ATP6V1H: variants seen among roughly 807,000 people sequenced by gnomAD.
ATP6V1H encodes V-type proton ATPase subunit H.
ATP6V1H carries 39 observed loss-of-function variants against 71.7 expected under a neutral mutation model. That is an observed-to-expected ratio of 0.54 (90% confidence interval 0.42 to 0.71). ATP6V1H has a LOEUF of 0.71. Among genes scored for constraint, ATP6V1H ranks in the 30% least tolerant of loss-of-function variants. The probability of loss-of-function intolerance (pLI) is 0.00; values close to 1 mark genes in which losing one functional copy is unlikely to be tolerated. For missense variants in ATP6V1H, 509 were observed against 594.9 expected (o/e 0.86, Z 1.50); for synonymous variants, 192 against 199.3 (o/e 0.96, Z 0.31).
chr8:53,819,547 CATATATATATATATATATAT>C lies in ATP6V1H; in HGVS notation c.307-2037_307-2018del, dbSNP rs34645455. On this transcript the variant is annotated intron_variant, in intron 4 of 13. Transcript: ENST00000359530. The stretch of plus-strand genomic sequence containing the variant: ...AATCTATCTCAAAAAAAAAAAAAAG[CATATATATATATATATATAT>C]ATATATATATATATATATAAAATAC... 3.1e-4 allele frequency among the ~76,000 whole-genome samples: 11 copies of C among 35,132 alleles called. 1 individual carries two copies. Among genetic ancestry groups the C allele is most frequent in the South Asian group, 1.6e-3 (1 of 628 alleles). The allele number at this position is 35,132 out of a possible 152,430, so 23.0% of individuals were successfully genotyped here.
intron 11 of ATP6V1H, among the ~76,000 whole-genome samples, chr8:53,761,829 C>A (rs561677523): frequency 6.6e-6 from 1 of 151,974 alleles, no homozygotes; most frequent in African/African-American, 2.4e-5. Flanking sequence ...ATTTAAATGA[C>A]AATAAGAGGA....
chr8:53,732,806 C>A (rs1363038046), intron 13 of ATP6V1H, among the ~76,000 whole-genome samples: 4 of 152,108 alleles, frequency 2.6e-5, no homozygotes, highest in Middle Eastern at 3.2e-3. Context: ...TATGTCCCAG[C>A]CTACCCCCGC....
chr8:53,750,133 C>T (rs558756319), intron 12 of ATP6V1H, among the ~76,000 whole-genome samples: 34 of 152,230 alleles, frequency 2.2e-4, no homozygotes, highest in Middle Eastern at 3.4e-3. Context: ...AAGGTAAATT[C>T]GTTTTATTTT....
At chr8:53,802,820 G>GGA (rs1809955979) in intron 7 of ATP6V1H, among the ~76,000 whole-genome samples, 1 of 152,034 alleles carries the variant, frequency 6.6e-6, no homozygotes, top group Non-Finnish European at 1.5e-5. Context: ...AACCCATATG[G>GGA]CATATAAAAA....
rs554592427 is a variant in ATP6V1H, at chr8:53,835,239, C to G, written c.114-2153G>C. On this transcript the variant is annotated intron_variant, in intron 2 of 13. Transcript: ENST00000359530. ...AGAGCTGGGCCCTGAGACGAAGATT[C>G]ATGTACAAGTGATTTATGAAAGAAG... Among the ~76,000 whole-genome samples, 6 of 152,306 alleles carry G rather than the reference C, an allele frequency of 3.9e-5. No homozygotes were observed. The South Asian group carries it at 1.2e-3, about 32-fold the overall frequency.
intron 7 of ATP6V1H, among the ~76,000 whole-genome samples, chr8:53,808,697 GGGCTGA>G (rs1394037161): frequency 6.6e-6 from 1 of 151,906 alleles, no homozygotes; most frequent in African/African-American, 2.4e-5. Flanking sequence ...GGTGGTGGTT[GGGCTGA>G]GGCTGGAGGA....
At chr8:53,755,967 C>T (rs894035985) in intron 12 of ATP6V1H, among the ~76,000 whole-genome samples, 2 of 142,228 alleles carry the variant, frequency 1.4e-5, no homozygotes, top group African/African-American at 2.6e-5. Context: ...CCGTTTTAGC[C>T]GGGATGGTCT....
intron 2 of ATP6V1H, among the ~76,000 whole-genome samples, chr8:53,841,108 T>C (rs555891318): frequency 6.6e-6 from 1 of 152,316 alleles, no homozygotes; most frequent in Non-Finnish European, 1.5e-5. Flanking sequence ...AGTGATTTGC[T>C]TAAGATCACC....
chr8:53,732,967 T>C (rs1440906484), intron 13 of ATP6V1H, among the ~76,000 whole-genome samples: 1 of 152,144 alleles, frequency 6.6e-6, no homozygotes, highest in African/African-American at 2.4e-5. Flanking sequence ...GTGCTCGAGC[T>C]ATGCAAATGC....
At chr8:53,750,522 T>C (rs920022425) in intron 12 of ATP6V1H, among the ~76,000 whole-genome samples, 8 of 152,158 alleles carry the variant, frequency 5.3e-5, no homozygotes, top group South Asian at 2.1e-4. Flanking sequence ...AAAGTCTCAG[T>C]TTCCAAGAAC....
chr8:53,815,063 A>G (rs544871009), intron 5 of ATP6V1H, among the ~76,000 whole-genome samples: 1 of 152,326 alleles, frequency 6.6e-6, no homozygotes, highest in East Asian at 1.9e-4. Flanking sequence ...ATGACCAGCA[A>G]AAAACAGAAC....
At chr8:53,842,557 C>T (rs548875880) in intron 1 of ATP6V1H, 89 of 152,326 alleles carry the variant, frequency 5.8e-4, no homozygotes, top group African/African-American at 1.9e-3. Context: ...AACTTAATCT[C>T]TGTATCTGAA....
intron 2 of ATP6V1H, among the ~76,000 whole-genome samples, chr8:53,840,356 G>A (rs1383709265): frequency 6.6e-6 from 1 of 152,094 alleles, no homozygotes; most frequent in Non-Finnish European, 1.5e-5. Flanking sequence ...AAATTAGGCG[G>A]GCAAGGTGTC....
chr8:53,801,634 G>C (rs1231668880), intron 8 of ATP6V1H, among the ~76,000 whole-genome samples, 165 bp downstream of exon 8: 1 of 152,080 alleles, frequency 6.6e-6, no homozygotes, highest in African/African-American at 2.4e-5. Context: ...AAGGAAAGGG[G>C]CTCAGTTTGA....
intron 12 of ATP6V1H, among the ~76,000 whole-genome samples, chr8:53,755,943 G>A (rs1808038639): frequency 7.3e-6 from 1 of 137,212 alleles, no homozygotes; most frequent in Non-Finnish European, 1.6e-5. Flanking sequence ...ATTTTTAGTA[G>A]AGACGGGGTT....
At chr8:53,783,675 A>C (rs1672328447) in intron 9 of ATP6V1H, among the ~76,000 whole-genome samples, 1 of 152,142 alleles carries the variant, frequency 6.6e-6, no homozygotes, top group African/African-American at 2.4e-5. Context: ...TCTTGTGGGC[A>C]TTTAGTGCTA....
intron 7 of ATP6V1H, among the ~76,000 whole-genome samples, chr8:53,802,958 GC>G (rs1200201101): frequency 6.6e-6 from 1 of 152,180 alleles, no homozygotes; most frequent in Non-Finnish European, 1.5e-5. Flanking sequence ...AAAGTTGCAA[GC>G]CCCTTCATTT....
chr8:53,834,080 C>T (rs1811086807), intron 2 of ATP6V1H, among the ~76,000 whole-genome samples: 2 of 152,178 alleles, frequency 1.3e-5, no homozygotes. Context: ...AACAGACCTG[C>T]TAGCCCCCTG....
At chr8:53,719,163 T>A (rs1410152239) in intron 13 of ATP6V1H, among the ~76,000 whole-genome samples, 1 of 152,126 alleles carries the variant, frequency 6.6e-6, no homozygotes, top group Non-Finnish European at 1.5e-5. Flanking sequence ...GGCTTTTATG[T>A]ATTTTATTCT....
Sources: allele counts gnomAD v4.1 joint callset (sites outside exome capture counted in the v4.1 genomes callset), GRCh38; gene constraint gnomAD v4.1.1; transcripts MANE v1.5; gene names NCBI Gene and HGNC (gene_info 2026-07-23, HGNC 2026-07-21).